The following CDK19 variants were observed in gnomAD, a reference collection of about 807,000 sequenced individuals.
CDK19 encodes the protein cyclin dependent kinase 19.
CDK19 carries 20 observed loss-of-function variants against 68.3 expected under a neutral mutation model. The observed-to-expected ratio is 0.29, with a 90% CI of 0.21 to 0.43. CDK19 has a LOEUF of 0.43. Ranked by LOEUF, CDK19 falls within the 20% of genes least tolerant of loss-of-function variation. CDK19 has a pLI of 1.00. For synonymous variants in CDK19, 221 were observed against 222.8 expected, an observed-to-expected ratio of 0.99 and a Z score of 0.07; for missense variants, 339 against 623.5, an observed-to-expected ratio of 0.54 and a Z score of 4.86.
At chr6:110,705,827 G>A (rs1774421193) in intron 2 of CDK19, among the ~76,000 whole-genome samples, 1 of 152,022 alleles carries the variant, frequency 6.6e-6, no homozygotes, top group Non-Finnish European at 1.5e-5. Context: ...CCACAGGGAG[G>A]GGAACATCAC....
intron 4 of CDK19, 29 bp from the exon 5 acceptor site, chr6:110,638,735 AC>A: frequency 8.1e-7 from 1 of 1,241,550 alleles, no homozygotes; most frequent in Non-Finnish European, 1.2e-6. Flanking sequence ...CATTCAAATT[AC>A]CATGTTTATT....
chr6:110,630,457 T>C (rs1195821662), intron 6 of CDK19, among the ~76,000 whole-genome samples: 1 of 152,216 alleles, frequency 6.6e-6, no homozygotes, highest in African/African-American at 2.4e-5. Context: ...CTAAGGGATA[T>C]GACTGTTTTC....
chr6:110,658,522 C>T (rs1781435756), intron 4 of CDK19, among the ~76,000 whole-genome samples: 1 of 152,132 alleles, frequency 6.6e-6, no homozygotes, highest in Non-Finnish European at 1.5e-5. Context: ...CATGGAATTG[C>T]TACCTCCAAA....
At chr6:110,794,625 G>A (rs971337657) in intron 1 of CDK19, among the ~76,000 whole-genome samples, 5 of 150,960 alleles carry the variant, frequency 3.3e-5, no homozygotes, top group Admixed American at 6.6e-5. Flanking sequence ...GGATGGTCTC[G>A]ATCTCCTGAC....
At chr6:110,774,639 A>AT (rs780296973) in intron 1 of CDK19, among the ~76,000 whole-genome samples, 3 of 152,236 alleles carry the variant, frequency 2.0e-5, no homozygotes, top group Admixed American at 6.5e-5. Context: ...TAAAGGGACA[A>AT]TTATATAAAG....
At chr6:110,796,345 C>T (rs1160068521) in intron 1 of CDK19, among the ~76,000 whole-genome samples, 1 of 151,684 alleles carries the variant, frequency 6.6e-6, no homozygotes, top group Admixed American at 6.6e-5. Context: ...AACAAACAAA[C>T]AAACAAATAA....
chr6:110,715,580 C>T (rs902596279), intron 2 of CDK19, among the ~76,000 whole-genome samples: 1 of 152,154 alleles, frequency 6.6e-6, no homozygotes, highest in African/African-American at 2.4e-5. Flanking sequence ...CTCTGCCTCC[C>T]AGCTTCAAGC....
At chr6:110,812,787 C>A in intron 1 of CDK19, among the ~76,000 whole-genome samples, 2 of 139,164 alleles carry the variant, frequency 1.4e-5, no homozygotes, top group Admixed American at 7.4e-5. Context: ...CTTTACTATG[C>A]AAATCTGCCC....
intron 2 of CDK19, among the ~76,000 whole-genome samples, chr6:110,724,355 TAA>T (rs527343481): frequency 6.8e-6 from 1 of 147,064 alleles, no homozygotes; most frequent in Non-Finnish European, 1.5e-5. Context: ...AACTCCACCT[TAA>T]AAAAAAAAAT....
intron 4 of CDK19, among the ~76,000 whole-genome samples, chr6:110,647,787 T>C (rs1780704694): frequency 6.6e-6 from 1 of 152,162 alleles, no homozygotes; most frequent in Non-Finnish European, 1.5e-5. Context: ...AAACATATTC[T>C]AGAAGGTCAA....
chr6:110,765,973 A>T (rs1436751390), intron 1 of CDK19, among the ~76,000 whole-genome samples: 1 of 152,172 alleles, frequency 6.6e-6, no homozygotes, highest in Non-Finnish European at 1.5e-5. Flanking sequence ...AGGCAGAGAA[A>T]GGGGAACTCT....
chr6:110,711,401 A>G (rs766563600), intron 2 of CDK19, among the ~76,000 whole-genome samples: 1 of 152,198 alleles, frequency 6.6e-6, no homozygotes, highest in African/African-American at 2.4e-5. Context: ...TCAAAAGGGT[A>G]TTTGAATTAT....
chr6:110,708,106 A>G (rs1468361121), intron 2 of CDK19, among the ~76,000 whole-genome samples: 1 of 152,214 alleles, frequency 6.6e-6, no homozygotes, highest in Non-Finnish European at 1.5e-5. Context: ...AAAAGAGGAA[A>G]GCGCTCTTTT....
chr6:110,775,049 C>A (rs1240867702), intron 1 of CDK19, among the ~76,000 whole-genome samples: 3 of 152,060 alleles, frequency 2.0e-5, no homozygotes, highest in African/African-American at 7.2e-5. Context: ...AGATCGAGAC[C>A]ATCCTGGCCA....
intron 4 of CDK19, chr6:110,646,221 G>A (rs74943964): frequency 0.038 from 55,378 of 1,451,098 alleles, 1,235 homozygotes; most frequent in South Asian, 0.082. Flanking sequence ...GGGGTCCGAC[G>A]CGCAGGAGCT....
chr6:110,623,736 C>T (rs1009203131), intron 8 of CDK19, among the ~76,000 whole-genome samples: 2 of 92,728 alleles, frequency 2.2e-5, no homozygotes, highest in African/African-American at 4.6e-5. Context: ...TAGTAATGGC[C>T]AATATATATA....
intron 2 of CDK19, among the ~76,000 whole-genome samples, chr6:110,701,282 C>T (rs1250233055): frequency 2.0e-5 from 3 of 151,578 alleles, no homozygotes; most frequent in Non-Finnish European, 4.4e-5. Context: ...GTGGCTCAAG[C>T]CTGTAATCCC....
chr6:110,795,952 C>T (rs550344836), intron 1 of CDK19, among the ~76,000 whole-genome samples: 1 of 152,270 alleles, frequency 6.6e-6, no homozygotes, highest in East Asian at 1.9e-4. Flanking sequence ...GACCCTACGG[C>T]AAAGGAAATA....
intron 1 of CDK19, among the ~76,000 whole-genome samples, chr6:110,790,395 C>T (rs1583108170): frequency 6.6e-6 from 1 of 151,998 alleles, no homozygotes; most frequent in East Asian, 1.9e-4. Context: ...ATTAGCCCAG[C>T]GTGGTGGCAG....
Sources: allele counts gnomAD v4.1 joint callset (sites outside exome capture counted in the v4.1 genomes callset), GRCh38; gene constraint gnomAD v4.1.1; transcripts MANE v1.5; gene names NCBI Gene and HGNC (gene_info 2026-07-23, HGNC 2026-07-21).